Variants in CSMD2 observed in about 807,000 individuals in gnomAD.
CSMD2 encodes CUB and sushi domain-containing protein 2.
A neutral mutation model predicts 398.5 loss-of-function variants in CSMD2; 130 were observed. The ratio of observed to expected loss-of-function variants is 0.33; its 90% confidence interval spans 0.28 to 0.38. The LOEUF is 0.38. Among genes scored for constraint, CSMD2 ranks in the 10% least tolerant of loss-of-function variants. The probability of loss-of-function intolerance (pLI) is 1.00; values close to 1 mark genes in which losing one functional copy is unlikely to be tolerated. For missense variants in CSMD2, 3,829 were observed against 4,764.9 expected, an observed-to-expected ratio of 0.80 and a Z score of 5.78; for synonymous variants, 1,828 against 1,908.5, an observed-to-expected ratio of 0.96 and a Z score of 1.10.
chr1:33,605,596 G>T, intron 41 of CSMD2, 126 bp from the exon 42 acceptor site: 2 of 971,334 alleles, frequency 2.1e-6, no homozygotes, highest in Non-Finnish European at 3.0e-6. Context: ...CAAGTCATTG[G>T]CTTTGGGTAA....
At chr1:33,725,287 G>T in intron 17 of CSMD2, 62 bp downstream of exon 17, 1 of 1,404,732 alleles carries the variant, frequency 7.1e-7, no homozygotes, top group Non-Finnish European at 1.0e-6. Context: ...GCACAGTCCT[G>T]AGGCCTTTGA....
chr1:34,126,256 C>T (rs765336550), intron 1 of CSMD2, among the ~76,000 whole-genome samples: 3 of 152,204 alleles, frequency 2.0e-5, no homozygotes, highest in Non-Finnish European at 2.9e-5. Flanking sequence ...AAGGCACTTC[C>T]GGCAGCTCCC....
intron 3 of CSMD2, among the ~76,000 whole-genome samples, chr1:33,943,546 A>T (rs1042961281): frequency 1.3e-5 from 2 of 152,134 alleles, no homozygotes; most frequent in Non-Finnish European, 2.9e-5. Context: ...CCCTCTGTTC[A>T]TTTTGTTAAT....
At chr1:34,133,136 A>T (rs1638315693) in intron 1 of CSMD2, among the ~76,000 whole-genome samples, 1 of 152,122 alleles carries the variant, frequency 6.6e-6, no homozygotes, top group Non-Finnish European at 1.5e-5. Flanking sequence ...AAAGTCTAGC[A>T]CCTTCTATTA....
chr1:33,668,252 G>A (rs1644379167), intron 25 of CSMD2, among the ~76,000 whole-genome samples: 1 of 152,176 alleles, frequency 6.6e-6, no homozygotes, highest in Admixed American at 6.5e-5. Context: ...GATGTTTGGT[G>A]TGTACTATAG....
At chr1:33,973,140 G>C (rs894951193) in intron 3 of CSMD2, among the ~76,000 whole-genome samples, 1 of 152,190 alleles carries the variant, frequency 6.6e-6, no homozygotes, top group African/African-American at 2.4e-5. Context: ...GCCTGGCCGT[G>C]CCAGAATCCA....
intron 6 of CSMD2, among the ~76,000 whole-genome samples, chr1:33,828,284 C>T (rs2180744): frequency 0.41 from 62,906 of 152,142 alleles, 14,078 homozygotes; most frequent in East Asian, 0.62. Flanking sequence ...TAATACAGTG[C>T]GGCAGGGGGA....
chr1:34,063,934 C>T (rs1388352311), intron 2 of CSMD2, among the ~76,000 whole-genome samples: 1 of 152,254 alleles, frequency 6.6e-6, no homozygotes, highest in East Asian at 1.9e-4. Context: ...AGACTCAACA[C>T]CACATGGAAG....
chr1:33,634,162 C>T (rs1321698252), intron 31 of CSMD2, among the ~76,000 whole-genome samples: 1 of 152,130 alleles, frequency 6.6e-6, no homozygotes, highest in African/African-American at 2.4e-5. Context: ...AGTGTGTGTA[C>T]ATGTACATAG....
At chr1:33,875,887 CT>C (rs1234208925) in intron 5 of CSMD2, among the ~76,000 whole-genome samples, 1 of 152,102 alleles carries the variant, frequency 6.6e-6, no homozygotes, top group African/African-American at 2.4e-5. Context: ...TTGAAATGGT[CT>C]TGTTTTTGTC....
intron 2 of CSMD2, among the ~76,000 whole-genome samples, chr1:34,057,380 T>A (rs1004265552): frequency 8.7e-4 from 133 of 152,286 alleles, no homozygotes; most frequent in African/African-American, 3.0e-3. Context: ...CCTAGACCCC[T>A]AAGCCCTGAG....
At chr1:33,608,555 C>G (rs1243985994) in intron 41 of CSMD2, among the ~76,000 whole-genome samples, 1 of 152,148 alleles carries the variant, frequency 6.6e-6, no homozygotes, top group African/African-American at 2.4e-5. Flanking sequence ...AGGATCTTTA[C>G]CAAACTTATG....
chr1:34,129,625 C>T (rs557275304), intron 1 of CSMD2, among the ~76,000 whole-genome samples: 1 of 152,274 alleles, frequency 6.6e-6, no homozygotes, highest in African/African-American at 2.4e-5. Context: ...GTACTCCAGC[C>T]TAGGCGATAG....
chr1:33,541,372 C>A, intron 58 of CSMD2, 63 bp from the exon 59 acceptor site: 1 of 1,250,764 alleles, frequency 8.0e-7, no homozygotes, highest in Non-Finnish European at 1.2e-6. Context: ...CCTCCAATAC[C>A]ATCCCTATCA....
At chr1:33,961,387 T>G in intron 3 of CSMD2, among the ~76,000 whole-genome samples, 1 of 152,244 alleles carries the variant, frequency 6.6e-6, no homozygotes, top group African/African-American at 2.4e-5. Flanking sequence ...ACAGGAGTCT[T>G]CTGGCCTTGC....
intron 12 of CSMD2, among the ~76,000 whole-genome samples, chr1:33,776,536 T>C (rs1206129960): frequency 1.3e-5 from 2 of 152,264 alleles, no homozygotes; most frequent in African/African-American, 2.4e-5. Context: ...CATGCCTAGA[T>C]GGATTGCCAT....
At chr1:33,716,559 T>C in intron 19 of CSMD2, 58 bp from the exon 20 acceptor site, 1 of 1,114,576 alleles carries the variant, frequency 9.0e-7, no homozygotes, top group Non-Finnish European at 1.3e-6. Flanking sequence ...GAACCTCAGC[T>C]GCAAGACAGG....
chr1:34,018,189 TATC>T (rs1422357132), intron 3 of CSMD2, among the ~76,000 whole-genome samples: 6 of 152,234 alleles, frequency 3.9e-5, no homozygotes, highest in African/African-American at 1.4e-4. Context: ...CAGAAAATAA[TATC>T]ATAAACATCT....
At position 33,695,204 on chromosome 1, in the gene CSMD2, G is replaced by C. The variant is rs199831913; in HGVS notation, c.3926-2148C>G. Among the ~76,000 whole-genome samples the C allele has an allele frequency of 5.3e-5, 8 of 152,246 alleles. No individual in the cohort carries two copies. In the East Asian group the frequency reaches 1.5e-3, roughly 29 times the overall value. On this transcript the variant is annotated intron_variant, in intron 24 of 70. Transcript: ENST00000373381. ...GGAACAGCATGGCAGGCTGGAGGCT[G>C]GGGTATGAGATAGGGAGATGGGGGA...
Sources: gnomAD v4.1 joint callset for allele counts (sites outside exome capture counted in the v4.1 genomes callset) on GRCh38, gnomAD v4.1.1 for gene constraint, MANE v1.5 for transcripts, NCBI Gene and HGNC (gene_info 2026-07-23, HGNC 2026-07-21) for gene names.